The following DNAJC5B variants were observed in gnomAD, a reference collection of about 807,000 sequenced individuals.
DNAJC5B encodes DnaJ heat shock protein family (Hsp40) member C5 beta.
In DNAJC5B, 23 loss-of-function variants were observed where a neutral mutation model predicts 24.7. The observed-to-expected ratio is 0.93, with a 90% CI of 0.67 to 1.32. The LOEUF (loss-of-function observed/expected upper bound fraction) is 1.32, where lower values mean the gene tolerates loss of function less well. DNAJC5B is among the 40% of genes most tolerant of loss of function. The pLI is 0.00. For missense variants in DNAJC5B, 238 were observed against 240.8 expected (o/e 0.99, Z 0.08); for synonymous variants, 101 against 90.1 (o/e 1.12, Z -0.68).
chr8:66,051,047 A>C (rs979230140), intron 2 of DNAJC5B, among the ~76,000 whole-genome samples: 1 of 152,242 alleles, frequency 6.6e-6, no homozygotes, highest in African/African-American at 2.4e-5. Context: ...CAAGTTGTAC[A>C]ACAGATTTCT....
chr8:66,085,976 A>G (rs1239553696), intron 5 of DNAJC5B, among the ~76,000 whole-genome samples: 3 of 152,166 alleles, frequency 2.0e-5, no homozygotes, highest in African/African-American at 7.2e-5. Flanking sequence ...TCTTTCATGA[A>G]CATTTTGTAG....
chr8:66,047,332 T>G (rs1196198205), intron 2 of DNAJC5B, among the ~76,000 whole-genome samples: 1 of 152,210 alleles, frequency 6.6e-6, no homozygotes, highest in Non-Finnish European at 1.5e-5. Context: ...TGCCCATGTC[T>G]GCTCATCCTC....
intron 1 of DNAJC5B, among the ~76,000 whole-genome samples, chr8:66,036,963 G>A (rs1806499894): frequency 6.6e-6 from 1 of 152,210 alleles, no homozygotes; most frequent in South Asian, 2.1e-4. Context: ...GGTCGGTTCT[G>A]CGGCAGGGCT....
At chr8:66,036,957 G>T (rs908237724) in intron 1 of DNAJC5B, among the ~76,000 whole-genome samples, 4 of 152,176 alleles carry the variant, frequency 2.6e-5, no homozygotes, top group Non-Finnish European at 5.9e-5. Context: ...AGCTCTGGTC[G>T]GTTCTGCGGC....
intron 3 of DNAJC5B, among the ~76,000 whole-genome samples, chr8:66,064,125 C>T (rs896052002): frequency 6.6e-6 from 1 of 152,090 alleles, no homozygotes; most frequent in Non-Finnish European, 1.5e-5. Context: ...AGGAAATTGT[C>T]AGTGAGACTG....
intron 3 of DNAJC5B, among the ~76,000 whole-genome samples, chr8:66,066,195 G>T (rs528923661): frequency 6.6e-6 from 1 of 152,280 alleles, no homozygotes; most frequent in East Asian, 1.9e-4. Flanking sequence ...CCTTACTCCT[G>T]CAAGAATGAC....
At position 66,079,543 on chromosome 8, in the gene DNAJC5B, A is replaced by G. The variant is rs563760507; in HGVS notation, c.334-834A>G. On this transcript the variant is annotated intron_variant, in intron 4 of 5. Coordinates refer to ENST00000276570, the MANE Select transcript of DNAJC5B (RefSeq NM_033105.6). ...AGGTGACTGGGGAACTGGGAGGTGG[A>G]CGTCCAGACAGATGAATCCACAGGG... Among the ~76,000 whole-genome samples the G allele has an allele frequency of 1.3e-4, 20 of 152,320 alleles. No individual in the cohort carries two copies. In the East Asian group the frequency reaches 1.7e-3, roughly 13 times the overall value.
At chr8:66,051,914 A>G (rs77632494) in intron 3 of DNAJC5B, among the ~76,000 whole-genome samples, 1 of 152,046 alleles carries the variant, frequency 6.6e-6, no homozygotes, top group Non-Finnish European at 1.5e-5. Context: ...TGAAAGAGAG[A>G]GAGAAAGACA....
intron 3 of DNAJC5B, among the ~76,000 whole-genome samples, chr8:66,067,095 G>A (rs1022509318): frequency 6.6e-6 from 1 of 152,136 alleles, no homozygotes; most frequent in Non-Finnish European, 1.5e-5. Flanking sequence ...ATCATCAGGA[G>A]TTTCCTGGTT....
At chr8:66,020,256 A>C (rs915339580), upstream of DNAJC5B, among the ~76,000 whole-genome samples, 21 of 152,214 alleles carry the variant, frequency 1.4e-4, no homozygotes, top group African/African-American at 5.1e-4. Flanking sequence ...TGAAAATAAT[A>C]CTTTGTTTAT....
upstream of DNAJC5B, among the ~76,000 whole-genome samples, chr8:66,020,569 C>A (rs3905331): frequency 3.3e-4 from 49 of 148,794 alleles, no homozygotes; most frequent in East Asian, 8.8e-3. Flanking sequence ...ACACTAGAAC[C>A]TGGTATAGCG....
chr8:66,056,493 C>T (rs551107400), intron 3 of DNAJC5B: 3 of 152,308 alleles, frequency 2.0e-5, no homozygotes, highest in African/African-American at 7.2e-5. Context: ...CCTAAAGGCA[C>T]CTGGCTCCTC....
At position 66,100,458 on chromosome 8, in the gene DNAJC5B, T is replaced by A; in HGVS notation, c.*427T>A. On this transcript the variant is annotated 3_prime_UTR_variant, in exon 6 of 6. Coordinates refer to ENST00000276570, the MANE Select transcript of DNAJC5B (RefSeq NM_033105.6). ...AAAATATATGAGAACTTATAAAGAG[T>A]TTTTGTGTGTGGAGCCTCTTCCGTG... The A allele has an allele frequency of 6.5e-6, 1 of 152,676 alleles. No individual in the cohort carries two copies. 9.5% of individuals were successfully genotyped at this position (152,676 alleles called of 1,614,324 possible). A position where few individuals can be genotyped will look rare whatever the true frequency, so the allele number is the denominator to read the frequency against.
intron 5 of DNAJC5B, among the ~76,000 whole-genome samples, chr8:66,086,728 T>C (rs571683477): frequency 6.6e-6 from 1 of 152,256 alleles, no homozygotes; most frequent in South Asian, 2.1e-4. Context: ...AAATTCTATG[T>C]TACAGATTAT....
intron 5 of DNAJC5B, among the ~76,000 whole-genome samples, chr8:66,098,171 G>C (rs1364569284): frequency 1.3e-5 from 2 of 151,166 alleles, no homozygotes; most frequent in African/African-American, 4.9e-5. Context: ...TTTATCTTTT[G>C]TTCTGCAATG....
Position 66,080,496 on chromosome 8 carries a change from C to G in DNAJC5B, c.453C>G (p.Phe151Leu), listed in dbSNP as rs769072687. The change falls in exon 5 of 6, where the codon TTC becomes TTG. Residue 151 changes from phenylalanine to leucine, a missense_variant. Phe to Leu is a conservative substitution (Grantham distance 22). Coordinates refer to ENST00000276570, the MANE Select transcript of DNAJC5B (RefSeq NM_033105.6). Reference sequence around the variant, plus strand: ...AGTCATCAGTGCCAGAAGAGGACTTCTATGTGTCCCCAGAGGATCTGGAGG... The same window carrying G: ...AGTCATCAGTGCCAGAAGAGGACTTGTATGTGTCCCCAGAGGATCTGGAGG... The part of the protein sequence containing the change: ...RPESSVPEED[F>L]YVSPEDLEEQ... The G allele has an allele frequency of 3.1e-6, 5 of 1,613,712 alleles. No homozygotes were observed. The highest frequency in any genetic ancestry group is 4.2e-6 in the Non-Finnish European group (5 of 1,179,878).
chr8:66,088,558 A>G (rs558082282), intron 5 of DNAJC5B, among the ~76,000 whole-genome samples: 3 of 152,144 alleles, frequency 2.0e-5, no homozygotes, highest in Non-Finnish European at 4.4e-5. Flanking sequence ...CTTGCCTTTT[A>G]AACATAAATT....
chr8:66,035,402 A>T (rs1806459617), intron 1 of DNAJC5B, among the ~76,000 whole-genome samples: 1 of 152,190 alleles, frequency 6.6e-6, no homozygotes, highest in Non-Finnish European at 1.5e-5. Flanking sequence ...CTAAATTAAG[A>T]TGAGGCCTTA....
upstream of DNAJC5B, among the ~76,000 whole-genome samples, chr8:66,018,953 T>C (rs148581092): frequency 3.5e-4 from 53 of 152,356 alleles, no homozygotes; most frequent in African/African-American, 1.2e-3. Context: ...TGAAGAGCTA[T>C]GCAGGCTTCC....
Sources: gnomAD v4.1 joint callset for allele counts (sites outside exome capture counted in the v4.1 genomes callset) on GRCh38, gnomAD v4.1.1 for gene constraint, MANE v1.5 for transcripts, NCBI Gene and HGNC (gene_info 2026-07-23, HGNC 2026-07-21) for gene names.